The following ROBO1 variants were observed in gnomAD, a reference collection of about 807,000 sequenced individuals.
ROBO1 encodes roundabout guidance receptor 1.
In ROBO1, 149 loss-of-function variants were observed where a neutral mutation model predicts 195.9. The observed-to-expected ratio is 0.76, with a 90% confidence interval of 0.67 to 0.87. The LOEUF is 0.87. Among genes scored for constraint, ROBO1 ranks in the 40% least tolerant of loss-of-function variants. The probability of loss-of-function intolerance (pLI) is 0.00; values close to 1 mark genes in which losing one functional copy is unlikely to be tolerated. For synonymous variants in ROBO1, 816 were observed against 733.2 expected, an observed-to-expected ratio of 1.11 and a Z score of -1.82; for missense variants, 1,933 against 2,068.3, an observed-to-expected ratio of 0.93 and a Z score of 1.27.
intron 4 of ROBO1, among the ~76,000 whole-genome samples, chr3:78,773,103 A>T (rs1227434907): frequency 6.6e-6 from 1 of 152,124 alleles, no homozygotes; most frequent in Non-Finnish European, 1.5e-5. Flanking sequence ...AAAAATTATT[A>T]TTGTATGCTG....
intron 1 of ROBO1, among the ~76,000 whole-genome samples, chr3:79,637,637 G>A (rs906438247): frequency 5.9e-5 from 9 of 151,998 alleles, no homozygotes; most frequent in South Asian, 2.1e-4. Flanking sequence ...CAGATGATAC[G>A]TTTTGATATG....
rs554256282 is a variant in ROBO1 at position 79,714,390 on chromosome 3, C to G, written c.-51+53362G>C. Among the ~76,000 whole-genome samples, 31 of 152,236 alleles carry G rather than the reference C, an allele frequency of 2.0e-4. 1 individual carries two copies. Among genetic ancestry groups the G allele is most frequent in the African/African-American group, 7.5e-4 (31 of 41,538 alleles). ...ATGTGGAGAAATAGGAACACTTTTACACTGTTGGTGGGAATGTAAACTAGT... is the reference window on the plus strand; with the variant it reads ...ATGTGGAGAAATAGGAACACTTTTAGACTGTTGGTGGGAATGTAAACTAGT... On this transcript the variant is annotated intron_variant, in intron 1 of 30. Coordinates refer to ENST00000464233, the MANE Select transcript of ROBO1 (RefSeq NM_002941.4).
chr3:78,923,539 T>G (rs945038117), intron 4 of ROBO1, among the ~76,000 whole-genome samples: 2 of 152,122 alleles, frequency 1.3e-5, no homozygotes, highest in African/African-American at 4.8e-5. Context: ...GTAATGCTAC[T>G]CTATAGTAGT....
intron 3 of ROBO1, among the ~76,000 whole-genome samples, chr3:79,122,501 C>T (rs1044138532): frequency 1.6e-4 from 24 of 151,894 alleles, no homozygotes; most frequent in African/African-American, 5.6e-4. Flanking sequence ...AAATCACTTA[C>T]AAAATTTAGA....
At chr3:78,964,913 G>A (rs1351029845) in intron 3 of ROBO1, among the ~76,000 whole-genome samples, 1 of 150,882 alleles carries the variant, frequency 6.6e-6, no homozygotes, top group Non-Finnish European at 1.5e-5. Flanking sequence ...CAAACCCCTG[G>A]GCTAAAGTGA....
At chr3:79,052,715 A>G (rs534534030) in intron 3 of ROBO1, among the ~76,000 whole-genome samples, 136 of 152,208 alleles carry the variant, frequency 8.9e-4, no homozygotes, top group African/African-American at 3.2e-3. Flanking sequence ...AAGAACCTAC[A>G]TTGAAATAAT....
intron 9 of ROBO1, 97 bp downstream of exon 9, chr3:78,688,551 C>G: frequency 7.9e-7 from 1 of 1,267,852 alleles, no homozygotes. Context: ...CTTAATGTGA[C>G]AGCTGCATGA....
intron 2 of ROBO1, among the ~76,000 whole-genome samples, chr3:79,288,222 C>T (rs577626853): frequency 6.0e-4 from 91 of 152,046 alleles, no homozygotes; most frequent in Non-Finnish European, 1.1e-3. Flanking sequence ...AGTACATTCC[C>T]CTGATACTTG....
chr3:79,639,799 T>C (rs1047615401), intron 1 of ROBO1, among the ~76,000 whole-genome samples: 1 of 152,182 alleles, frequency 6.6e-6, no homozygotes, highest in African/African-American at 2.4e-5. Flanking sequence ...TAGCTAGTAC[T>C]TCTCATATTA....
intron 3 of ROBO1, among the ~76,000 whole-genome samples, chr3:79,008,617 A>G (rs2077685528): frequency 6.6e-6 from 1 of 151,554 alleles, no homozygotes; most frequent in African/African-American, 2.4e-5. Context: ...TTTGACAGAC[A>G]GTATGCCACT....
chr3:79,094,802 G>A (rs1272965291), intron 3 of ROBO1, among the ~76,000 whole-genome samples: 1 of 151,836 alleles, frequency 6.6e-6, no homozygotes, highest in Non-Finnish European at 1.5e-5. Flanking sequence ...GCATTGCTGA[G>A]GGATCCCCAA....
chr3:79,178,910 G>T (rs969843841), intron 2 of ROBO1, among the ~76,000 whole-genome samples: 1 of 152,160 alleles, frequency 6.6e-6, no homozygotes, highest in Non-Finnish European at 1.5e-5. Flanking sequence ...TTTAAAAACT[G>T]ATTAAAACCT....
intron 3 of ROBO1, among the ~76,000 whole-genome samples, chr3:79,011,781 C>T (rs1191819640): frequency 2.0e-5 from 3 of 151,690 alleles, no homozygotes; most frequent in Non-Finnish European, 2.9e-5. Context: ...CATATGAATA[C>T]TATCTTGTTA....
At chr3:79,765,592 GT>G (rs1449876546) in intron 1 of ROBO1, among the ~76,000 whole-genome samples, 5 of 152,172 alleles carry the variant, frequency 3.3e-5, no homozygotes, top group African/African-American at 1.2e-4. Context: ...GAGAATACAA[GT>G]TTGGGCCTGA....
chr3:78,602,080 G>A (rs1307135086), intron 29 of ROBO1, among the ~76,000 whole-genome samples: 1 of 151,462 alleles, frequency 6.6e-6, no homozygotes, highest in Non-Finnish European at 1.5e-5. Flanking sequence ...ATATATAGAT[G>A]AATGATATAG....
intron 1 of ROBO1, among the ~76,000 whole-genome samples, chr3:79,720,905 G>T (rs1379789690): frequency 2.0e-5 from 3 of 151,384 alleles, no homozygotes; most frequent in Non-Finnish European, 4.4e-5. Flanking sequence ...CCATTCTCCT[G>T]CCTCAGCCTC....
rs966441634 is a variant in ROBO1 at position 78,816,421 on chromosome 3, C to T, written c.500-69521G>A. Among the ~76,000 whole-genome samples the T allele has an allele frequency of 5.3e-5, 8 of 152,144 alleles. No homozygotes were observed. In the East Asian group the frequency reaches 1.4e-3, roughly 26 times the overall value. On this transcript the variant is annotated intron_variant, in intron 4 of 30. Transcript: ENST00000464233. Reference sequence around the variant, plus strand: ...TAATGTTGTTTTCATGATTTGCTAACACAACACCCATTCTATAATCCTTGG... The same window carrying T: ...TAATGTTGTTTTCATGATTTGCTAATACAACACCCATTCTATAATCCTTGG...
At chr3:79,626,103 T>A (rs1219021198) in intron 1 of ROBO1, among the ~76,000 whole-genome samples, 1 of 152,156 alleles carries the variant, frequency 6.6e-6, no homozygotes, top group Non-Finnish European at 1.5e-5. Flanking sequence ...CACATGATTA[T>A]CTCAATAGAT....
chr3:79,544,957 G>A (rs182679338), intron 2 of ROBO1, among the ~76,000 whole-genome samples: 2 of 152,092 alleles, frequency 1.3e-5, no homozygotes, highest in African/African-American at 4.8e-5. Flanking sequence ...GGAAACTCAA[G>A]GAGATGAAAT....
Sources: gnomAD v4.1 joint callset for allele counts (sites outside exome capture counted in the v4.1 genomes callset) on GRCh38, gnomAD v4.1.1 for gene constraint, MANE v1.5 for transcripts, NCBI Gene and HGNC (gene_info 2026-07-23, HGNC 2026-07-21) for gene names.